The following AGBL1 variants were observed in gnomAD, a reference collection of about 807,000 sequenced individuals.
AGBL1 encodes the protein AGBL carboxypeptidase 1, also known as cytosolic carboxypeptidase 4.
A neutral mutation model predicts 118.9 loss-of-function variants in AGBL1; 130 were observed. That is an observed-to-expected ratio of 1.09 (90% CI 0.95 to 1.26). The LOEUF (loss-of-function observed/expected upper bound fraction) is 1.26, where lower values mean the gene tolerates loss of function less well. Among genes scored for constraint, AGBL1 ranks in the 50% most tolerant of loss-of-function variants. The pLI is 0.00. For missense variants in AGBL1, 1,584 were observed against 1,298.1 expected (o/e 1.22, Z -3.38); for synonymous variants, 555 against 478.9 (o/e 1.16, Z -2.08).
intron 21 of AGBL1, among the ~76,000 whole-genome samples, chr15:86,614,472 T>C (rs1345779412): frequency 6.6e-6 from 1 of 152,224 alleles, no homozygotes; most frequent in Admixed American, 6.5e-5. Context: ...TTCACTAGAA[T>C]TACATGTTTC....
At chr15:86,570,432 C>T (rs1441388606) in intron 21 of AGBL1, among the ~76,000 whole-genome samples, 1 of 152,212 alleles carries the variant, frequency 6.6e-6, no homozygotes, top group East Asian at 1.9e-4. Flanking sequence ...AAGACATTTA[C>T]AGCTGCTACC....
chr15:86,474,363 G>C (rs1424594775), intron 18 of AGBL1, among the ~76,000 whole-genome samples: 1 of 152,176 alleles, frequency 6.6e-6, no homozygotes, highest in East Asian at 1.9e-4. Context: ...TGGAAAATCA[G>C]GTCACTCCCA....
chr15:86,177,902 A>T (rs2077502533), intron 5 of AGBL1, among the ~76,000 whole-genome samples: 1 of 152,304 alleles, frequency 6.6e-6, no homozygotes, highest in African/African-American at 2.4e-5. Context: ...CTGAAATATA[A>T]AGTAAGTAAA....
In AGBL1 at chr15:86,693,070, G is replaced by A. The variant is rs188381634; in HGVS notation, c.3158+18634G>A. On this transcript the variant is annotated intron_variant, in intron 22 of 22. Coordinates refer to ENST00000614907, the MANE Select transcript of AGBL1 (RefSeq NM_001386094.1). ...ATTGAGAATTGTGCTGCTATAGACA[G>A]GCATGTGCAAGTATCTTTTTCGTAT... Among the ~76,000 whole-genome samples the A allele has an allele frequency of 3.2e-3, 487 of 152,176 alleles. 4 individuals carry two copies. The highest frequency in any genetic ancestry group is 0.011 in the African/African-American group (462 of 41,546).
intron 22 of AGBL1, among the ~76,000 whole-genome samples, chr15:86,708,211 T>G (rs1231341258): frequency 6.6e-6 from 1 of 152,118 alleles, no homozygotes; most frequent in Admixed American, 6.6e-5. Flanking sequence ...CAATATTGGA[T>G]TGGACCCAAT....
At chr15:86,927,010 G>C (rs960094617) in intron 23 of AGBL1, among the ~76,000 whole-genome samples, 1 of 151,876 alleles carries the variant, frequency 6.6e-6, no homozygotes, top group South Asian at 2.1e-4. Context: ...GTGGTGGTGG[G>C]CGCCTGTAAT....
At chr15:86,409,768 C>T (rs1259404780) in intron 18 of AGBL1, among the ~76,000 whole-genome samples, 2 of 152,078 alleles carry the variant, frequency 1.3e-5, no homozygotes, top group Non-Finnish European at 2.9e-5. Flanking sequence ...GCTGAGGCTC[C>T]TCAGGAAATG....
At chr15:86,156,439 C>A (rs1318972193) in intron 4 of AGBL1, among the ~76,000 whole-genome samples, 1 of 152,100 alleles carries the variant, frequency 6.6e-6, no homozygotes, top group African/African-American at 2.4e-5. Flanking sequence ...ACCTTAATGG[C>A]CTCATTTTAA....
At chr15:86,263,311 G>A (rs1377757646) in intron 10 of AGBL1, among the ~76,000 whole-genome samples, 1 of 152,168 alleles carries the variant, frequency 6.6e-6, no homozygotes, top group Non-Finnish European at 1.5e-5. Flanking sequence ...GTACAGGTTT[G>A]TAGCCTAGGA....
chr15:87,028,055 AT>A (rs1269626713), intron 24 of AGBL1, among the ~76,000 whole-genome samples: 18 of 150,858 alleles, frequency 1.2e-4, no homozygotes, highest in East Asian at 9.8e-4. Flanking sequence ...GAAGAAAAAA[AT>A]ATATATATAT....
chr15:86,410,807 GATATATATATATATATATAT>G (rs36127489), intron 18 of AGBL1, among the ~76,000 whole-genome samples: 20 of 40,398 alleles, frequency 5.0e-4, no homozygotes, highest in South Asian at 1.6e-3. Flanking sequence ...GTCAAATGTA[GATATATATATATATATATAT>G]ATATATATAT....
At chr15:86,927,104 A>T (rs561457438) in intron 23 of AGBL1, among the ~76,000 whole-genome samples, 1 of 151,882 alleles carries the variant, frequency 6.6e-6, no homozygotes, top group African/African-American at 2.4e-5. Context: ...ATGCCATTGC[A>T]CTCCACCCCA....
At chr15:86,813,336 A>AT (rs2078817441) in intron 22 of AGBL1, among the ~76,000 whole-genome samples, 1 of 152,038 alleles carries the variant, frequency 6.6e-6, no homozygotes, top group Non-Finnish European at 1.5e-5. Context: ...TTTCCCAATG[A>AT]TTTTTCAAAA....
intron 23 of AGBL1, among the ~76,000 whole-genome samples, chr15:86,929,847 A>G (rs1299235953): frequency 6.6e-6 from 1 of 152,242 alleles, no homozygotes; most frequent in Non-Finnish European, 1.5e-5. Context: ...AGATGAACAT[A>G]TTCACAGATG....
intron 17 of AGBL1, among the ~76,000 whole-genome samples, chr15:86,391,310 A>G (rs535564704): frequency 1.1e-3 from 173 of 152,316 alleles, no homozygotes; most frequent in African/African-American, 3.9e-3. Context: ...AAAAATGCAC[A>G]ATGCATAAAA....
intron 21 of AGBL1, among the ~76,000 whole-genome samples, chr15:86,562,811 C>G (rs2083846999): frequency 6.6e-6 from 1 of 152,130 alleles, no homozygotes; most frequent in Non-Finnish European, 1.5e-5. Flanking sequence ...ATTATTGCCT[C>G]AATTTCAGAG....
intron 6 of AGBL1, among the ~76,000 whole-genome samples, chr15:86,242,616 C>T (rs1167921883): frequency 6.6e-6 from 1 of 152,202 alleles, no homozygotes; most frequent in African/African-American, 2.4e-5. Context: ...TAGAAGTCTA[C>T]ACTCATCTGC....
At chr15:86,685,436 T>C (rs548389450) in intron 22 of AGBL1, among the ~76,000 whole-genome samples, 1 of 152,256 alleles carries the variant, frequency 6.6e-6, no homozygotes, top group South Asian at 2.1e-4. Context: ...GAATGGAAAC[T>C]AAATTAGAGT....
intron 21 of AGBL1, among the ~76,000 whole-genome samples, chr15:86,670,635 T>TGG (rs2085729430): frequency 4.3e-5 from 1 of 23,448 alleles, no homozygotes; most frequent in Non-Finnish European, 9.9e-5. Context: ...ACAAACACGC[T>TGG]GTGTGTGTGT....
Sources: allele counts gnomAD v4.1 joint callset (sites outside exome capture counted in the v4.1 genomes callset), GRCh38; gene constraint gnomAD v4.1.1; transcripts MANE v1.5; gene names NCBI Gene and HGNC (gene_info 2026-07-23, HGNC 2026-07-21).